Variants in ACAA2 observed in about 807,000 individuals in gnomAD.
The protein encoded by ACAA2 is acetyl-CoA acyltransferase 2.
ACAA2 carries 35 observed loss-of-function variants against 44.8 expected under a neutral mutation model. The ratio of observed to expected loss-of-function variants is 0.78; its 90% CI spans 0.60 to 1.04. ACAA2 has a LOEUF of 1.04. Ranked by LOEUF, ACAA2 falls within the 50% of genes least tolerant of loss-of-function variation. ACAA2 has a pLI of 0.00. For missense variants in ACAA2, 468 were observed against 482.6 expected, an observed-to-expected ratio of 0.97 and a Z score of 0.28; for synonymous variants, 142 against 166.5, an observed-to-expected ratio of 0.85 and a Z score of 1.13.
Position 49,782,977 on chromosome 18 carries a change from T to A in ACAA2, c.*870A>T, listed in dbSNP as rs950720603. The A allele has an allele frequency of 1.3e-5, 2 of 151,952 alleles. No individual in the cohort carries two copies. The highest frequency in any genetic ancestry group is 2.9e-5 in the Non-Finnish European group (2 of 67,994). 9.4% of individuals were successfully genotyped at this position (151,952 alleles called of 1,614,324 possible). A position where few individuals can be genotyped will look rare whatever the true frequency, so the allele number is the denominator to read the frequency against. ...GGGCCTTGCCCTACTAGATATCCAG[T>A]CTTAGAACAGACAAATAAAGCAATG... On this transcript the variant is annotated 3_prime_UTR_variant, in exon 10 of 10. Transcript: ENST00000285093.
intron 7 of ACAA2, among the ~76,000 whole-genome samples, 160 bp downstream of exon 7, chr18:49,791,310 C>G (rs2023395784): frequency 1.3e-5 from 2 of 152,130 alleles, no homozygotes; most frequent in African/African-American, 4.8e-5. Context: ...TCTATTGTGT[C>G]TAGGACAGTT....
At chr18:49,800,410 T>C (rs886131573) in intron 2 of ACAA2, among the ~76,000 whole-genome samples, 16 of 152,108 alleles carry the variant, frequency 1.1e-4, no homozygotes, top group Middle Eastern at 6.8e-3. Context: ...CAGCAGCTCA[T>C]GGAGAACGGG....
intron 1 of ACAA2, 21 bp downstream of exon 1, chr18:49,813,448 G>C (rs983777531): frequency 6.4e-6 from 8 of 1,240,768 alleles, no homozygotes; most frequent in Non-Finnish European, 8.1e-6. Flanking sequence ...GGCGAGGAGA[G>C]GAGGAGGGGG....
intron 2 of ACAA2, 63 bp from the exon 3 acceptor site, chr18:49,797,657 C>T (rs1479898193): frequency 8.8e-6 from 12 of 1,366,748 alleles, no homozygotes; most frequent in Admixed American, 2.4e-5. Context: ...AGAACAAGCA[C>T]GAAATACATG....
intron 8 of ACAA2, 132 bp downstream of exon 8, chr18:49,787,159 T>TA: frequency 1.6e-6 from 1 of 634,552 alleles, no homozygotes. Flanking sequence ...TTTATTTAGA[T>TA]GTACATCATT....
At chr18:49,785,421 A>G (rs1407310016) in intron 8 of ACAA2, 70 bp from the exon 9 acceptor site, 11 of 1,486,034 alleles carry the variant, frequency 7.4e-6, no homozygotes, top group Non-Finnish European at 1.0e-5. Flanking sequence ...AGAATGGTCC[A>G]GTCCTATCAA....
In ACAA2 at chr18:49,785,490, A is replaced by G. The variant is rs200965286; in HGVS notation, c.955-139T>C. On this transcript the variant is annotated intron_variant, in intron 8 of 9. Coordinates refer to ENST00000285093, the MANE Select transcript of ACAA2 (RefSeq NM_006111.3). ...ACCTCGCAAAGTTATTTTATCTACA[A>G]TCATTCTGCATAAAGCTATCAGGTT... is the stretch of plus-strand genomic sequence containing the variant. The G allele has an allele frequency of 1.2e-4, 93 of 774,108 alleles. No individual in the cohort carries two copies. The East Asian group carries it at 1.9e-3, about 15-fold the overall frequency. The allele number at this position is 774,108 out of a possible 1,614,324, so 48.0% of individuals were successfully genotyped here. A position where few individuals can be genotyped will look rare whatever the true frequency, so the allele number is the denominator to read the frequency against.
intron 1 of ACAA2, 21 bp downstream of exon 1, chr18:49,813,445 AGAG>A (rs1289077873): frequency 1.9e-5 from 24 of 1,239,950 alleles, no homozygotes; most frequent in Admixed American, 4.2e-5. Flanking sequence ...AGGGGCGAGG[AGAG>A]GAGGAGGGGG....
At chr18:49,784,261 G>A (rs561435539) in intron 9 of ACAA2, among the ~76,000 whole-genome samples, 133 of 152,314 alleles carry the variant, frequency 8.7e-4, no homozygotes, top group African/African-American at 3.1e-3. Context: ...GGAAAGGAGT[G>A]AGAAGAGGAG....
intron 5 of ACAA2, 81 bp downstream of exon 5, chr18:49,794,199 A>G (rs1406296058): frequency 2.0e-6 from 2 of 983,964 alleles, no homozygotes; most frequent in African/African-American, 3.4e-5. Context: ...TGTAAATATT[A>G]TATAACCATA....
At chr18:49,803,065 C>T in intron 1 of ACAA2, 1 of 616,334 alleles carries the variant, frequency 1.6e-6, no homozygotes, top group Non-Finnish European at 2.9e-6. Context: ...ATGCAGGTAC[C>T]AAGAACTGCA....
At chr18:49,813,434 G>C (rs1369902546) in intron 1 of ACAA2, 35 bp downstream of exon 1, 1 of 1,236,888 alleles carries the variant, frequency 8.1e-7, no homozygotes, top group Non-Finnish European at 1.0e-6. Flanking sequence ...GCAGGACCCC[G>C]AGGGGCGAGG....
In ACAA2 at chr18:49,792,231, G is replaced by A. The variant is rs765105322; in HGVS notation, c.674C>T (p.Pro225Leu). 2.5e-6 allele frequency: 4 copies of A among 1,613,842 alleles called. No individual in the cohort carries two copies. Among genetic ancestry groups the A allele is most frequent in the African/African-American group, 2.7e-5 (2 of 74,894 alleles). The change falls in exon 6 of 10, where the codon CCC (proline) becomes CTC (leucine). Residue 225 changes from proline (P) to leucine (L), a missense_variant. Transcript: ENST00000285093. The part of the protein sequence containing the change: ...QTMQVDEHAR[P>L]QTTLEQLQKL... ...CTGTAACTGTTCCAGGGTGGTTTGGGGCCGAGCATGCTCGTCTACCTGCAT... is the reference window on the plus strand; with the variant it reads ...CTGTAACTGTTCCAGGGTGGTTTGGAGCCGAGCATGCTCGTCTACCTGCAT...
At chr18:49,800,712 GA>G (rs2023537065) in intron 2 of ACAA2, among the ~76,000 whole-genome samples, 2 of 152,062 alleles carry the variant, frequency 1.3e-5, no homozygotes. Flanking sequence ...TGCTTGTTAA[GA>G]GTCATCACCA....
At chr18:49,793,823 T>C (rs1021572446) in intron 5 of ACAA2, among the ~76,000 whole-genome samples, 1 of 152,188 alleles carries the variant, frequency 6.6e-6, no homozygotes, top group African/African-American at 2.4e-5. Context: ...GTACAATGAT[T>C]CTTAATTAGG....
intron 5 of ACAA2, among the ~76,000 whole-genome samples, chr18:49,793,437 G>C (rs1037784564): frequency 6.6e-6 from 1 of 152,188 alleles, no homozygotes; most frequent in African/African-American, 2.4e-5. Context: ...TGATATGACT[G>C]AGCTTGATAA....
chr18:49,796,308 T>G (rs1029051737), intron 3 of ACAA2, among the ~76,000 whole-genome samples: 1 of 152,194 alleles, frequency 6.6e-6, no homozygotes, highest in Admixed American at 6.5e-5. Context: ...TAGTTCAATC[T>G]AGGTGACTCA....
chr18:49,782,239 G>C lies in ACAA2; in HGVS notation c.*1608C>G, dbSNP rs183734725. The stretch of plus-strand genomic sequence containing the variant: ...TTTTAATATTTTTATGACAGTAGAG[G>C]AAGCCTGCTGCTTCTCAGTAAGGAT... On this transcript the variant is annotated 3_prime_UTR_variant, in exon 10 of 10. Coordinates refer to ENST00000285093, the MANE Select transcript of ACAA2 (RefSeq NM_006111.3). The C allele has an allele frequency of 6.6e-6, 1 of 152,286 alleles. No homozygotes were observed. The highest frequency in any genetic ancestry group is 1.9e-4 in the East Asian group (1 of 5,188). The allele number at this position is 152,286 out of a possible 1,614,324, so 9.4% of individuals were successfully genotyped here. A position where few individuals can be genotyped will look rare whatever the true frequency, so the allele number is the denominator to read the frequency against.
At position 49,795,866 on chromosome 18, in the gene ACAA2, C is replaced by T. The variant is rs762009554; in HGVS notation, c.328G>A (p.Glu110Lys). ...CCTCCACATAAAACAACTTCAGCTT[C>T]TTTAACACAAATTTCCTATTTAAAA... ...VNGCQEICVK[E>K]AEVVLCGGTE... The change falls in exon 4 of 10, where the codon GAA becomes AAA. Residue 110 changes from glutamate (E) to lysine (K), a missense_variant. Glu to Lys is a moderately conservative substitution (Grantham distance 56). Transcript: ENST00000285093. 4 of 1,609,922 alleles carry T rather than the reference C, an allele frequency of 2.5e-6. No homozygotes were observed. The highest frequency in any genetic ancestry group is 3.4e-5 in the Admixed American group (2 of 59,460).
Sources: allele counts gnomAD v4.1 joint callset (sites outside exome capture counted in the v4.1 genomes callset), GRCh38; gene constraint gnomAD v4.1.1; transcripts MANE v1.5; gene names NCBI Gene and HGNC (gene_info 2026-07-23, HGNC 2026-07-21).